The following GNA12 variants were observed in gnomAD, a reference collection of about 807,000 sequenced individuals.
The protein encoded by GNA12 is G protein subunit alpha 12, also known as guanine nucleotide-binding protein subunit alpha-12.
GNA12 carries 9 observed loss-of-function variants against 26.0 expected under a neutral mutation model. That is an observed-to-expected ratio of 0.35 (90% CI 0.21 to 0.60). The LOEUF is 0.60. GNA12 is among the 20% of genes least tolerant of loss of function. The pLI is 0.78. For synonymous variants in GNA12, 264 were observed against 219.6 expected (o/e 1.20, Z -1.79); for missense variants, 405 against 525.8 (o/e 0.77, Z 2.25).
chr7:2,836,180 T>A (rs1370481818), intron 1 of GNA12, among the ~76,000 whole-genome samples: 1 of 152,134 alleles, frequency 6.6e-6, no homozygotes, highest in Non-Finnish European at 1.5e-5. Flanking sequence ...AGTGAGGTAA[T>A]GAAGTCCTCG....
intron 1 of GNA12, among the ~76,000 whole-genome samples, chr7:2,811,486 T>A (rs1793080432): frequency 6.6e-6 from 1 of 152,254 alleles, no homozygotes; most frequent in African/African-American, 2.4e-5. Context: ...TTCTTCTTAC[T>A]CAGATAACTT....
chr7:2,740,998 T>C (rs912710871), intron 2 of GNA12, among the ~76,000 whole-genome samples: 1 of 152,138 alleles, frequency 6.6e-6, no homozygotes, highest in Non-Finnish European at 1.5e-5. Context: ...TGAGCTGAGA[T>C]CGGGCCACTG....
At chr7:2,813,676 G>A (rs1483026109) in intron 1 of GNA12, among the ~76,000 whole-genome samples, 6 of 152,236 alleles carry the variant, frequency 3.9e-5, no homozygotes. Flanking sequence ...AGCTGTCAGA[G>A]TGCAGCTGGA....
intron 2 of GNA12, among the ~76,000 whole-genome samples, chr7:2,741,901 A>G (rs1030212767): frequency 4.0e-5 from 6 of 151,480 alleles, no homozygotes; most frequent in African/African-American, 1.5e-4. Context: ...AGGTTTATCT[A>G]ATATATACAG....
intron 1 of GNA12, among the ~76,000 whole-genome samples, chr7:2,801,107 C>T (rs1792798753): frequency 6.6e-6 from 1 of 152,184 alleles, no homozygotes; most frequent in Non-Finnish European, 1.5e-5. Context: ...AGATGCGGCC[C>T]AGCCTGGCAA....
At chr7:2,830,188 A>G (rs1322349472) in intron 1 of GNA12, among the ~76,000 whole-genome samples, 2 of 152,152 alleles carry the variant, frequency 1.3e-5, no homozygotes, top group African/African-American at 2.4e-5. Flanking sequence ...TCTTGCCTCA[A>G]TACTACCTTA....
At chr7:2,758,490 C>T (rs1454201607) in intron 2 of GNA12, among the ~76,000 whole-genome samples, 1 of 152,156 alleles carries the variant, frequency 6.6e-6, no homozygotes, top group East Asian at 1.9e-4. Context: ...GCAATTTCTT[C>T]CCCTGCAGCG....
At chr7:2,797,190 G>C (rs1213444661) in intron 1 of GNA12, among the ~76,000 whole-genome samples, 2 of 152,220 alleles carry the variant, frequency 1.3e-5, no homozygotes, top group African/African-American at 4.8e-5. Context: ...CTGTCACCCA[G>C]GCTGGAGTGC....
chr7:2,769,723 A>G (rs1015328295), intron 2 of GNA12, among the ~76,000 whole-genome samples: 7 of 151,854 alleles, frequency 4.6e-5, no homozygotes, highest in Non-Finnish European at 1.0e-4. Context: ...AGAGAGTGAG[A>G]CTCTGTCTCA....
At chr7:2,764,331 T>C (rs1266307277) in intron 2 of GNA12, among the ~76,000 whole-genome samples, 2 of 151,446 alleles carry the variant, frequency 1.3e-5, no homozygotes, top group Non-Finnish European at 2.9e-5. Flanking sequence ...GATCCTCCCA[T>C]CTCAGCCTCC....
intron 1 of GNA12, among the ~76,000 whole-genome samples, chr7:2,836,623 A>T (rs747215989): frequency 3.3e-5 from 5 of 152,188 alleles, no homozygotes; most frequent in Non-Finnish European, 4.4e-5. Flanking sequence ...TGCCCGTCCT[A>T]TTCCAAATAA....
chr7:2,798,704 T>G (rs1429910403), intron 1 of GNA12, among the ~76,000 whole-genome samples: 2 of 152,172 alleles, frequency 1.3e-5, no homozygotes, highest in African/African-American at 4.8e-5. Context: ...AAAGCAACTT[T>G]GAAAAAGAAA....
At chr7:2,793,824 G>C (rs1792580356) in intron 2 of GNA12, among the ~76,000 whole-genome samples, 2 of 148,526 alleles carry the variant, frequency 1.3e-5, no homozygotes, top group East Asian at 2.0e-4. Flanking sequence ...GGAGGTTGCA[G>C]TGAGCTGAGA....
intron 1 of GNA12, among the ~76,000 whole-genome samples, chr7:2,843,063 G>A (rs182335577): frequency 1.3e-5 from 2 of 152,302 alleles, no homozygotes; most frequent in African/African-American, 4.8e-5. Context: ...CAGGTGGGAG[G>A]ATGGCTTGAG....
chr7:2,829,687 T>A (rs1793558948), intron 1 of GNA12, among the ~76,000 whole-genome samples: 1 of 152,222 alleles, frequency 6.6e-6, no homozygotes, highest in Admixed American at 6.5e-5. Context: ...CTGTTTTTCA[T>A]CTGACTTTTG....
intron 2 of GNA12, among the ~76,000 whole-genome samples, chr7:2,759,389 T>C (rs937714529): frequency 1.3e-5 from 2 of 152,180 alleles, no homozygotes; most frequent in Non-Finnish European, 2.9e-5. Context: ...ATCACCTTCA[T>C]TCTCACAATA....
chr7:2,825,016 C>T (rs1308678605), intron 1 of GNA12, among the ~76,000 whole-genome samples: 1 of 152,212 alleles, frequency 6.6e-6, no homozygotes, highest in East Asian at 1.9e-4. Context: ...GGACAGACAC[C>T]TGGCTTGCCT....
At chr7:2,803,304 G>C (rs118090917) in intron 1 of GNA12, among the ~76,000 whole-genome samples, 1 of 152,178 alleles carries the variant, frequency 6.6e-6, no homozygotes, top group African/African-American at 2.4e-5. Context: ...GCTGTGGAGA[G>C]CTAAGAAGTC....
At chr7:2,789,132 C>CTATTTTTTTTTT (rs1202789852) in intron 2 of GNA12, among the ~76,000 whole-genome samples, 5 of 72,822 alleles carry the variant, frequency 6.9e-5, no homozygotes, top group Admixed American at 3.7e-4. Flanking sequence ...CTTCAGGCAT[C>CTATTTTTTTTTT]TTTTTTTTTT....
Sources: allele counts gnomAD v4.1 joint callset (sites outside exome capture counted in the v4.1 genomes callset), GRCh38; gene constraint gnomAD v4.1.1; transcripts MANE v1.5; gene names NCBI Gene and HGNC (gene_info 2026-07-23, HGNC 2026-07-21).